The following ABCE1 variants were observed in gnomAD, a reference collection of about 807,000 sequenced individuals.
The protein encoded by ABCE1 is ATP-binding cassette sub-family E member 1.
ABCE1 carries 22 observed loss-of-function variants against 83.4 expected under a neutral mutation model. That is an observed-to-expected ratio of 0.26 (90% CI 0.19 to 0.38). ABCE1 has a LOEUF of 0.38. Among genes scored for constraint, ABCE1 ranks in the 10% least tolerant of loss-of-function variants. The pLI, the probability that ABCE1 is intolerant of heterozygous loss-of-function variation, is 1.00. For synonymous variants in ABCE1, 204 were observed against 233.7 expected (o/e 0.87, Z 1.16); for missense variants, 330 against 721.9 (o/e 0.46, Z 6.22).
chr4:145,129,488 A>G lies in ABCE1; in HGVS notation c.*1915A>G, dbSNP rs1749982669. ...TATACTACCATTTTTGTGAAAATAT[A>G]CAAAATATTGAAATAAAGGAATACT... On this transcript the variant is annotated 3_prime_UTR_variant, in exon 18 of 18. Transcript: ENST00000296577. 6.6e-6 allele frequency among the ~76,000 whole-genome samples: 1 copy of G among 152,206 alleles called. No individual in the cohort carries two copies. Among genetic ancestry groups the G allele is most frequent in the Non-Finnish European group, 1.5e-5 (1 of 68,034 alleles).
At chr4:145,124,135 G>C (rs1749812737) in intron 16 of ABCE1, among the ~76,000 whole-genome samples, 1 of 152,116 alleles carries the variant, frequency 6.6e-6, no homozygotes, top group African/African-American at 2.4e-5. Flanking sequence ...CTAACATTCA[G>C]ATCAAGTTAT....
At chr4:145,116,305 G>A (rs1013854651) in intron 9 of ABCE1, among the ~76,000 whole-genome samples, 1 of 151,304 alleles carries the variant, frequency 6.6e-6, no homozygotes, top group African/African-American at 2.4e-5. Context: ...CCCACATCAG[G>A]GGACCTAAAG....
intron 9 of ABCE1, 98 bp from the exon 10 acceptor site, chr4:145,117,195 A>T: frequency 9.6e-7 from 1 of 1,039,224 alleles, no homozygotes. Flanking sequence ...TTATGTCTTT[A>T]TGCTTAAATT....
intron 8 of ABCE1, 22 bp downstream of exon 8, chr4:145,111,086 G>A (rs199760310): frequency 4.5e-5 from 71 of 1,560,880 alleles, no homozygotes; most frequent in East Asian, 4.1e-4. Flanking sequence ...TACAATTTTT[G>A]TTTATCTTCA....
chr4:145,119,104 C>T (rs1197937424), intron 10 of ABCE1, among the ~76,000 whole-genome samples: 2 of 151,802 alleles, frequency 1.3e-5, no homozygotes, highest in African/African-American at 2.4e-5. Context: ...TTCATTTGTT[C>T]TGTCAGCAAA....
At chr4:145,101,577 A>G (rs1045665525) in intron 1 of ABCE1, among the ~76,000 whole-genome samples, 2 of 152,208 alleles carry the variant, frequency 1.3e-5, no homozygotes, top group Admixed American at 6.5e-5. Flanking sequence ...AGGTGAGGGT[A>G]AAAGCAAAGA....
intron 7 of ABCE1, 78 bp downstream of exon 7, chr4:145,110,522 C>T: frequency 1.4e-6 from 2 of 1,428,930 alleles, no homozygotes; most frequent in South Asian, 1.2e-5. Flanking sequence ...GTTGCCCAGG[C>T]TGGGGTGCAA....
intron 1 of ABCE1, among the ~76,000 whole-genome samples, chr4:145,102,976 A>G (rs1749193736): frequency 6.6e-6 from 1 of 152,216 alleles, no homozygotes; most frequent in African/African-American, 2.4e-5. Context: ...ATCTGTGAGC[A>G]TATTGAAATC....
chr4:145,126,370 C>A (rs1749888150), intron 17 of ABCE1, among the ~76,000 whole-genome samples: 1 of 152,104 alleles, frequency 6.6e-6, no homozygotes, highest in East Asian at 1.9e-4. Context: ...TCTCGGCTCA[C>A]TACAACCTCT....
chr4:145,105,137 C>A (rs35771064), intron 2 of ABCE1, among the ~76,000 whole-genome samples: 20 of 152,080 alleles, frequency 1.3e-4, no homozygotes, highest in Non-Finnish European at 2.9e-5. Context: ...TTCCATTATC[C>A]CTACTACCAT....
In ABCE1 at chr4:145,105,939, C is replaced by T. The variant is rs528322098; in HGVS notation, c.189+249C>T. Among the ~76,000 whole-genome samples, 9 of 152,004 alleles carry T rather than the reference C, an allele frequency of 5.9e-5. No individual in the cohort carries two copies. The South Asian group carries it at 1.7e-3, about 28-fold the overall frequency. On this transcript the variant is annotated intron_variant, in intron 3 of 17. Transcript: ENST00000296577. The stretch of plus-strand genomic sequence containing the variant: ...AAAGCCATTTCCAACCAAAATTTCT[C>T]TTTTTTCACCTTTTTATAAGGACAT...
In ABCE1 at chr4:145,121,473, T is replaced by C; in HGVS notation, c.1263+82T>C. On this transcript the variant is annotated intron_variant, in intron 13 of 17. Transcript: ENST00000296577. ...CTTTCATCTTTTACTATATTAAAAT[T>C]TTTCTCCAAATTAGATTCTATACAG... 3 of 1,069,044 alleles carry C rather than the reference T, an allele frequency of 2.8e-6. No individual in the cohort carries two copies. The South Asian group carries it at 4.5e-5, about 16-fold the overall frequency. 66.2% of individuals were successfully genotyped at this position (1,069,044 alleles called of 1,614,324 possible).
chr4:145,100,107 C>A (rs1749097421), intron 1 of ABCE1, among the ~76,000 whole-genome samples: 1 of 152,180 alleles, frequency 6.6e-6, no homozygotes, highest in Admixed American at 6.5e-5. Flanking sequence ...TACAAAGAAT[C>A]CATGTTCATT....
chr4:145,105,762 C>A, intron 3 of ABCE1, 72 bp downstream of exon 3: 2 of 1,049,442 alleles, frequency 1.9e-6, no homozygotes, highest in Non-Finnish European at 2.8e-6. Flanking sequence ...GGATACTATG[C>A]TATAACTACT....
At chr4:145,107,728 C>T (rs1749347332) in intron 3 of ABCE1, among the ~76,000 whole-genome samples, 1 of 152,160 alleles carries the variant, frequency 6.6e-6, no homozygotes, top group Non-Finnish European at 1.5e-5. Context: ...TTCTTTTACT[C>T]AGGTGCTCCA....
chr4:145,109,730 C>A (rs1033824521), intron 5 of ABCE1, among the ~76,000 whole-genome samples: 6 of 152,162 alleles, frequency 3.9e-5, no homozygotes, highest in African/African-American at 1.4e-4. Flanking sequence ...TCAAATAAAT[C>A]ATAAGTGTAT....
intron 13 of ABCE1, 87 bp from the exon 14 acceptor site, chr4:145,122,934 C>A: frequency 1.1e-6 from 1 of 911,236 alleles, no homozygotes; most frequent in Non-Finnish European, 1.6e-6. Context: ...TACTTTTATT[C>A]TGAAGCTTAA....
At chr4:145,120,286 C>G in intron 11 of ABCE1, 133 bp downstream of exon 11, 1 of 721,618 alleles carries the variant, frequency 1.4e-6, no homozygotes, top group South Asian at 2.0e-5. Flanking sequence ...CCACAAATTT[C>G]TTAGTGTACT....
At chr4:145,124,217 A>G (rs1749815469) in intron 16 of ABCE1, among the ~76,000 whole-genome samples, 1 of 152,204 alleles carries the variant, frequency 6.6e-6, no homozygotes, top group Non-Finnish European at 1.5e-5. Flanking sequence ...ACTGGTGTTC[A>G]GTTTTCACCT....
Sources: allele counts gnomAD v4.1 joint callset (sites outside exome capture counted in the v4.1 genomes callset), GRCh38; gene constraint gnomAD v4.1.1; transcripts MANE v1.5; gene names NCBI Gene and HGNC (gene_info 2026-07-23, HGNC 2026-07-21).